Variants in CFTR observed in about 807,000 individuals in gnomAD.
CFTR encodes CF transmembrane conductance regulator, also known as cystic fibrosis transmembrane conductance regulator.
CFTR carries 181 observed loss-of-function variants against 171.6 expected under a neutral mutation model. The observed-to-expected ratio is 1.05, with a 90% CI of 0.93 to 1.19. CFTR has a LOEUF of 1.19. CFTR is among the 50% of genes most tolerant of loss of function. CFTR has a pLI of 0.00. For missense variants in CFTR, 1,968 were observed against 1,734.7 expected (o/e 1.13, Z -2.39); for synonymous variants, 583 against 608.0 (o/e 0.96, Z 0.60).
At chr7:117,535,216 A>G (rs1211967038) in intron 5 of CFTR, 32 bp from the exon 6 acceptor site, 1 of 1,612,584 alleles carries the variant, frequency 6.2e-7, no homozygotes, top group Non-Finnish European at 8.5e-7. Flanking sequence ...AGATACAATG[A>G]CACCTGTTTT....
intron 22 of CFTR, among the ~76,000 whole-genome samples, chr7:117,640,762 G>C (rs10276431): frequency 0.034 from 5,223 of 152,160 alleles, 231 homozygotes; most frequent in African/African-American, 0.1. Context: ...TTAAAATTAG[G>C]AGTTTATCTA....
At chr7:117,490,309 T>G (rs1798138001) in intron 1 of CFTR, among the ~76,000 whole-genome samples, 1 of 84,530 alleles carries the variant, frequency 1.2e-5, no homozygotes, top group African/African-American at 4.8e-5. Context: ...GTAGAACCAA[T>G]GATACACACA....
chr7:117,608,763 A>G (rs1424535418), intron 18 of CFTR, among the ~76,000 whole-genome samples: 2 of 152,152 alleles, frequency 1.3e-5, no homozygotes, highest in Admixed American at 6.6e-5. Context: ...CTTAATTTCA[A>G]ACAAATGAAA....
chr7:117,602,912 T>C, intron 16 of CFTR, 49 bp downstream of exon 16: 1 of 1,439,456 alleles, frequency 6.9e-7, no homozygotes, highest in African/African-American at 1.4e-5. Context: ...TTTCTGTTGA[T>C]TAAATATTGT....
At chr7:117,560,091 T>C (rs1198887774) in intron 11 of CFTR, among the ~76,000 whole-genome samples, 1 of 152,132 alleles carries the variant, frequency 6.6e-6, no homozygotes, top group Non-Finnish European at 1.5e-5. Context: ...CCTAATGGAA[T>C]GAGCATTGAT....
intron 11 of CFTR, 28 bp downstream of exon 11, chr7:117,559,683 T>C (rs1334795154): frequency 2.0e-6 from 3 of 1,518,176 alleles, no homozygotes; most frequent in Admixed American, 1.7e-5. Flanking sequence ...AACTTTTTGA[T>C]TATGCATATG....
chr7:117,648,024 G>GTATA (rs572438965), intron 23 of CFTR, among the ~76,000 whole-genome samples: 2 of 145,508 alleles, frequency 1.4e-5, no homozygotes, highest in Admixed American at 6.9e-5. Flanking sequence ...GTGTGTGTGT[G>GTATA]TATATATATA....
intron 20 of CFTR, among the ~76,000 whole-genome samples, chr7:117,612,079 G>A (rs957747394): frequency 2.1e-5 from 2 of 93,730 alleles, no homozygotes; most frequent in Non-Finnish European, 2.2e-5. Context: ...TATTATCCCT[G>A]TTTTCACAGT....
chr7:117,551,859 C>T (rs1458387368), intron 10 of CFTR, among the ~76,000 whole-genome samples: 1 of 152,126 alleles, frequency 6.6e-6, no homozygotes, highest in Non-Finnish European at 1.5e-5. Flanking sequence ...GCTGACAATT[C>T]CTGACACCAC....
Position 117,536,654 on chromosome 7 carries a change from ATGAT to A in CFTR, c.854_857del (p.Ile285LysfsTer3). On this transcript the variant is annotated frameshift_variant, in exon 7 of 27. Transcript: ENST00000003084. LOFTEE classifies it high-confidence loss of function. ...CTGCTGGGAAGAAGCAATGGAAAAA[ATGAT>A]TGAAAACTTAAGACAGTAAGTTGTT... is the stretch of plus-strand genomic sequence containing the variant. 1 of 1,611,800 alleles carries A rather than the reference ATGAT, an allele frequency of 6.2e-7. No homozygotes were observed. The highest frequency in any genetic ancestry group is 8.5e-7 in the Non-Finnish European group (1 of 1,179,156).
chr7:117,480,062 G>C lies in CFTR; in HGVS notation c.-33G>C. The C allele has an allele frequency of 2.5e-6, 4 of 1,610,650 alleles. No homozygotes were observed. The highest frequency in any genetic ancestry group is 1.1e-5 in the South Asian group (1 of 90,988). ...TGGCATTAGGAGCTTGAGCCCAGACGGCCCTAGCAGGGACCCCAGCGCCCG... is the reference window on the plus strand; with the variant it reads ...TGGCATTAGGAGCTTGAGCCCAGACCGCCCTAGCAGGGACCCCAGCGCCCG... On this transcript the variant is annotated 5_prime_UTR_variant, in exon 1 of 27. Coordinates refer to ENST00000003084, the MANE Select transcript of CFTR (RefSeq NM_000492.4).
chr7:117,664,727 C>T lies in CFTR; in HGVS notation c.4003C>T (p.Leu1335Phe), dbSNP rs145545286. 3.1e-6 allele frequency: 5 copies of T among 1,613,910 alleles called. No homozygotes were observed. The African/African-American group carries it at 4.0e-5, about 13-fold the overall frequency. Residue 1335 changes from leucine (L) to phenylalanine (F), a missense_variant, in exon 25 of 27, where the codon CTT (leucine) becomes TTT (phenylalanine). Transcript: ENST00000003084. ...TGTGATAGAACAGTTTCCTGGGAAG[C>T]TTGACTTTGTCCTTGTGGATGGGGG... The part of the protein sequence containing the change: ...RSVIEQFPGK[L>F]DFVLVDGGCV...
intron 21 of CFTR, among the ~76,000 whole-genome samples, chr7:117,623,211 G>A (rs1792606749): frequency 6.6e-6 from 1 of 152,182 alleles, no homozygotes; most frequent in Non-Finnish European, 1.5e-5. Context: ...TTGTGTCATT[G>A]GTTGGGTCTC....
chr7:117,512,537 G>C (rs1318225565), intron 3 of CFTR, among the ~76,000 whole-genome samples: 2 of 150,856 alleles, frequency 1.3e-5, no homozygotes, highest in African/African-American at 2.4e-5. Flanking sequence ...GGGAGGCTGA[G>C]GCAGGAGAAT....
chr7:117,656,818 C>A (rs980137599), intron 24 of CFTR, among the ~76,000 whole-genome samples: 1 of 152,110 alleles, frequency 6.6e-6, no homozygotes, highest in African/African-American at 2.4e-5. Context: ...GTCCTTTTAG[C>A]CCAATTTCTG....
chr7:117,546,808 A>G (rs531380981), intron 9 of CFTR, among the ~76,000 whole-genome samples: 1 of 152,318 alleles, frequency 6.6e-6, no homozygotes, highest in African/African-American at 2.4e-5. Flanking sequence ...TGCCTAAATC[A>G]TTGTGCATGC....
intron 1 of CFTR, among the ~76,000 whole-genome samples, chr7:117,488,784 A>G (rs1425129571): frequency 6.6e-6 from 1 of 152,076 alleles, no homozygotes; most frequent in Admixed American, 6.6e-5. Flanking sequence ...TATAACATTT[A>G]TATGTAATTT....
At chr7:117,612,031 A>ATATATATATATATG (rs1792406248) in intron 20 of CFTR, among the ~76,000 whole-genome samples, 1 of 75,116 alleles carries the variant, frequency 1.3e-5, no homozygotes, top group African/African-American at 5.7e-5. Flanking sequence ...ATGTATATAT[A>ATATATATATATATG]TATATATATA....
At chr7:117,590,137 A>C (rs1792003087) in intron 12 of CFTR, among the ~76,000 whole-genome samples, 1 of 152,092 alleles carries the variant, frequency 6.6e-6, no homozygotes, top group South Asian at 2.1e-4. Context: ...ATCTTCTGCA[A>C]CTTATTCCTT....
Sources: allele counts gnomAD v4.1 joint callset (sites outside exome capture counted in the v4.1 genomes callset), GRCh38; gene constraint gnomAD v4.1.1; transcripts MANE v1.5; gene names NCBI Gene and HGNC (gene_info 2026-07-23, HGNC 2026-07-21).